Variants in FBXO36 observed in about 807,000 individuals in gnomAD.
FBXO36 encodes the protein F-box protein 36.
A neutral mutation model predicts 17.0 loss-of-function variants in FBXO36; 18 were observed. The observed-to-expected ratio is 1.06, with a 90% CI of 0.73 to 1.57. The LOEUF (loss-of-function observed/expected upper bound fraction) is 1.57. Ranked by LOEUF, FBXO36 falls within the 40% of genes most tolerant of loss-of-function variation. The pLI, the probability that FBXO36 is intolerant of heterozygous loss-of-function variation, is 0.00. For synonymous variants in FBXO36, 83 were observed against 85.3 expected (o/e 0.97, Z 0.15); for missense variants, 229 against 221.9 (o/e 1.03, Z -0.20).
intron 1 of FBXO36, chr2:229,932,646 C>T (rs2076944712): frequency 2.0e-5 from 3 of 153,320 alleles, no homozygotes; most frequent in African/African-American, 7.3e-5. Context: ...CTACTGCACT[C>T]CAGCCTGGGC....
intron 2 of FBXO36, among the ~76,000 whole-genome samples, chr2:229,987,340 C>A (rs1208967622): frequency 6.6e-6 from 1 of 151,776 alleles, no homozygotes; most frequent in East Asian, 1.9e-4. Flanking sequence ...ATATCCTCTT[C>A]TTTTGATGTC....
intron 1 of FBXO36, among the ~76,000 whole-genome samples, chr2:229,973,719 C>A (rs2077193051): frequency 7.7e-6 from 1 of 130,226 alleles, no homozygotes. Flanking sequence ...GACTCCATCT[C>A]AAAAAAAAAA....
intron 1 of FBXO36, chr2:229,932,792 G>T (rs893311793): frequency 1.7e-5 from 3 of 175,450 alleles, no homozygotes; most frequent in Non-Finnish European, 3.7e-5. Context: ...TTGCATAGCC[G>T]GGCGCAGTGG....
intron 1 of FBXO36, among the ~76,000 whole-genome samples, chr2:229,932,512 C>T (rs1454859230): frequency 2.0e-5 from 3 of 151,434 alleles, no homozygotes; most frequent in Admixed American, 6.6e-5. Flanking sequence ...AAGAGTGAAA[C>T]TTTGTCTCAA....
intron 1 of FBXO36, among the ~76,000 whole-genome samples, chr2:229,974,934 C>T (rs931107917): frequency 6.6e-6 from 1 of 152,162 alleles, no homozygotes; most frequent in African/African-American, 2.4e-5. Flanking sequence ...CTTTCTCCTC[C>T]TAGCCTTCAT....
At chr2:229,978,463 C>T (rs893059488) in intron 2 of FBXO36, among the ~76,000 whole-genome samples, 1 of 149,756 alleles carries the variant, frequency 6.7e-6, no homozygotes, top group Non-Finnish European at 1.5e-5. Flanking sequence ...GGTGGGTGCC[C>T]GTAATCCTAG....
intron 1 of FBXO36, among the ~76,000 whole-genome samples, chr2:229,974,779 C>T (rs1459893252): frequency 6.6e-6 from 1 of 152,118 alleles, no homozygotes; most frequent in Non-Finnish European, 1.5e-5. Context: ...ACTTGCAGTG[C>T]AGAGAGATTG....
chr2:229,959,431 A>C (rs2077109368), intron 1 of FBXO36, among the ~76,000 whole-genome samples: 2 of 152,162 alleles, frequency 1.3e-5, no homozygotes, highest in African/African-American at 4.8e-5. Context: ...AAACCTGCCT[A>C]ATGTGAGATT....
intron 1 of FBXO36, among the ~76,000 whole-genome samples, chr2:229,939,688 C>G (rs1368344596): frequency 6.6e-6 from 1 of 152,132 alleles, no homozygotes; most frequent in African/African-American, 2.4e-5. Context: ...GCCTCTGCTC[C>G]CCTATTACTT....
chr2:229,974,546 C>G (rs1253791085), intron 1 of FBXO36, among the ~76,000 whole-genome samples: 2 of 152,126 alleles, frequency 1.3e-5, no homozygotes, highest in Admixed American at 1.3e-4. Flanking sequence ...ATGAGGCCAA[C>G]AGATTGTACA....
At chr2:229,996,117 A>T (rs1489741692) in intron 2 of FBXO36, among the ~76,000 whole-genome samples, 1 of 151,844 alleles carries the variant, frequency 6.6e-6, no homozygotes, top group Admixed American at 6.6e-5. Context: ...CTCTAAAAAA[A>T]AATTTAAAAA....
chr2:229,945,686 T>C (rs867178591), intron 1 of FBXO36, among the ~76,000 whole-genome samples: 1 of 152,130 alleles, frequency 6.6e-6, no homozygotes, highest in Middle Eastern at 3.2e-3. Context: ...ATCCTTAAGA[T>C]TTTTCAGTTC....
At chr2:229,978,607 A>T (rs112987656) in intron 2 of FBXO36, among the ~76,000 whole-genome samples, 15 of 152,164 alleles carry the variant, frequency 9.9e-5, no homozygotes, top group African/African-American at 3.6e-4. Flanking sequence ...TAATAATAAT[A>T]ATAGTAATAT....
chr2:229,976,183 A>G, intron 1 of FBXO36, 58 bp from the exon 2 acceptor site: 5 of 1,351,188 alleles, frequency 3.7e-6, no homozygotes, highest in Non-Finnish European at 4.1e-6. Flanking sequence ...CCCAAACTTA[A>G]TGTAACTGTT....
At chr2:229,978,259 G>A (rs937034256) in intron 2 of FBXO36, among the ~76,000 whole-genome samples, 4 of 152,046 alleles carry the variant, frequency 2.6e-5, no homozygotes, top group African/African-American at 4.8e-5. Context: ...CTGCACTCCA[G>A]CCTGGGCAAC....
intron 1 of FBXO36, among the ~76,000 whole-genome samples, chr2:229,930,257 G>A (rs553929979): frequency 6.6e-6 from 1 of 151,182 alleles, no homozygotes; most frequent in East Asian, 2.0e-4. Flanking sequence ...GAGGCGGGAG[G>A]ATCACTTGAA....
chr2:229,948,244 C>T (rs2077037746), intron 1 of FBXO36, among the ~76,000 whole-genome samples: 1 of 151,640 alleles, frequency 6.6e-6, no homozygotes, highest in African/African-American at 2.4e-5. Flanking sequence ...GAGAAATGTA[C>T]ATCATTGATA....
intron 2 of FBXO36, among the ~76,000 whole-genome samples, chr2:229,993,890 G>T (rs2077311251): frequency 6.6e-6 from 1 of 151,732 alleles, no homozygotes; most frequent in Non-Finnish European, 1.5e-5. Context: ...TGAGTAGCTG[G>T]GACTACAGGC....
At chr2:229,982,604 T>G (rs1189450090) in intron 2 of FBXO36, among the ~76,000 whole-genome samples, 1 of 151,486 alleles carries the variant, frequency 6.6e-6, no homozygotes, top group Non-Finnish European at 1.5e-5. Flanking sequence ...GTTAGGAGTT[T>G]GAGACCAGCC....
Sources: allele counts gnomAD v4.1 joint callset (sites outside exome capture counted in the v4.1 genomes callset), GRCh38; gene constraint gnomAD v4.1.1; transcripts MANE v1.5; gene names NCBI Gene and HGNC (gene_info 2026-07-23, HGNC 2026-07-21).